GABRB1: variants seen among roughly 807,000 people sequenced by gnomAD.
The protein encoded by GABRB1 is gamma-aminobutyric acid receptor subunit beta-1.
A neutral mutation model predicts 51.6 loss-of-function variants in GABRB1; 17 were observed. The observed-to-expected ratio is 0.33, with a 90% confidence interval of 0.23 to 0.49. GABRB1 has a LOEUF of 0.49. Among genes scored for constraint, GABRB1 ranks in the 20% least tolerant of loss-of-function variants. The pLI is 0.99. For synonymous variants in GABRB1, 247 were observed against 218.9 expected (o/e 1.13, Z -1.14); for missense variants, 410 against 600.6 (o/e 0.68, Z 3.32).
intron 3 of GABRB1, among the ~76,000 whole-genome samples, chr4:47,056,184 G>A (rs565906949): frequency 1.3e-5 from 2 of 152,228 alleles, no homozygotes; most frequent in African/African-American, 2.4e-5. Context: ...AAGCCGAATA[G>A]GAATGTTACA....
chr4:47,355,768 T>A lies in GABRB1; in HGVS notation c.544+35559T>A, dbSNP rs554497786. Reference sequence around the variant, plus strand: ...GGCCCTGAGGGAACAATAATTCTGCTATACACTTAAATTGATCTAGTCATT... The same window carrying A: ...GGCCCTGAGGGAACAATAATTCTGCAATACACTTAAATTGATCTAGTCATT... On this transcript the variant is annotated intron_variant, in intron 5 of 8. Transcript: ENST00000295454. 3.2e-4 allele frequency among the ~76,000 whole-genome samples: 48 copies of A among 152,352 alleles called. 2 individuals carry two copies. The South Asian group carries it at 8.5e-3, about 27-fold the overall frequency.
intron 4 of GABRB1, among the ~76,000 whole-genome samples, chr4:47,182,823 C>G (rs1330711594): frequency 6.6e-6 from 1 of 151,912 alleles, no homozygotes; most frequent in Non-Finnish European, 1.5e-5. Flanking sequence ...AAAACTCTAA[C>G]AGTTCAGAGA....
chr4:47,413,202 C>A (rs13434696), intron 8 of GABRB1, among the ~76,000 whole-genome samples: 11 of 152,132 alleles, frequency 7.2e-5, no homozygotes, highest in African/African-American at 2.4e-4. Flanking sequence ...GAAATTCCGC[C>A]GAGGTCTCTG....
At chr4:47,008,629 A>ATTTT (rs71193894) in intron 1 of GABRB1, among the ~76,000 whole-genome samples, 1 of 117,488 alleles carries the variant, frequency 8.5e-6, no homozygotes, top group African/African-American at 3.3e-5. Flanking sequence ...CACCCAGCTA[A>ATTTT]TTTTTTTTTT....
chr4:47,050,015 A>G (rs1726274418), intron 3 of GABRB1, among the ~76,000 whole-genome samples: 1 of 152,226 alleles, frequency 6.6e-6, no homozygotes, highest in Non-Finnish European at 1.5e-5. Context: ...TCTCAGCTAA[A>G]GAATATGTTC....
At chr4:47,015,460 T>C (rs966686445) in intron 1 of GABRB1, among the ~76,000 whole-genome samples, 1 of 152,176 alleles carries the variant, frequency 6.6e-6, no homozygotes, top group African/African-American at 2.4e-5. Context: ...TAAATAACAA[T>C]GAATTAGTCC....
At chr4:47,287,223 A>G (rs1164061039) in intron 4 of GABRB1, among the ~76,000 whole-genome samples, 1 of 152,206 alleles carries the variant, frequency 6.6e-6, no homozygotes, top group Non-Finnish European at 1.5e-5. Context: ...TCATAAATGT[A>G]GCTTTCCCCG....
chr4:47,390,598 G>A (rs1352177707), intron 5 of GABRB1, among the ~76,000 whole-genome samples: 2 of 152,078 alleles, frequency 1.3e-5, no homozygotes, highest in Non-Finnish European at 2.9e-5. Flanking sequence ...AAATCCCCAG[G>A]GGCTGAAAGG....
chr4:47,283,480 G>T (rs1723377843), intron 4 of GABRB1, among the ~76,000 whole-genome samples: 1 of 135,280 alleles, frequency 7.4e-6, no homozygotes, highest in Non-Finnish European at 1.5e-5. Flanking sequence ...CCGCCTCCCA[G>T]GTTCACCCCA....
chr4:47,066,801 C>G (rs1311662613), intron 3 of GABRB1, among the ~76,000 whole-genome samples: 1 of 152,144 alleles, frequency 6.6e-6, no homozygotes, highest in Admixed American at 6.6e-5. Context: ...CTTCTAAACT[C>G]CTGTTACTGT....
At chr4:47,219,148 C>A (rs1449485159) in intron 4 of GABRB1, among the ~76,000 whole-genome samples, 1 of 151,612 alleles carries the variant, frequency 6.6e-6, no homozygotes, top group Admixed American at 6.6e-5. Flanking sequence ...CAAGTGAAAT[C>A]AAATATGGAA....
In GABRB1 at chr4:47,032,301, G is replaced by C. The variant is rs28750322; in HGVS notation, c.173-116G>C. 4.1e-6 allele frequency: 4 copies of C among 967,472 alleles called. No homozygotes were observed. The Admixed American group carries it at 6.8e-5, about 17-fold the overall frequency. The allele number at this position is 967,472 out of a possible 1,614,324, so 59.9% of individuals were successfully genotyped here. A position where few individuals can be genotyped will look rare whatever the true frequency, so the allele number is the denominator to read the frequency against. On this transcript the variant is annotated intron_variant, in intron 2 of 8. Coordinates refer to ENST00000295454, the MANE Select transcript of GABRB1 (RefSeq NM_000812.4). ...GGCAGTCCCCTGAAAGGGGTGGTGG[G>C]GGGAGCAGGGAGGGAGCCCGTTAAG...
chr4:47,067,933 T>G (rs1727157562), intron 3 of GABRB1, among the ~76,000 whole-genome samples: 1 of 152,124 alleles, frequency 6.6e-6, no homozygotes, highest in Admixed American at 6.5e-5. Context: ...TATGTGTCCA[T>G]GTATTCTCAT....
upstream of GABRB1, among the ~76,000 whole-genome samples, chr4:47,026,854 T>A (rs1712301266): frequency 1.3e-5 from 2 of 152,088 alleles, no homozygotes; most frequent in Non-Finnish European, 2.9e-5. Context: ...TGGCAACATT[T>A]TTCATAATTA....
intron 5 of GABRB1, among the ~76,000 whole-genome samples, chr4:47,394,449 G>A (rs1212791706): frequency 1.5e-5 from 2 of 129,320 alleles, no homozygotes; most frequent in Non-Finnish European, 3.2e-5. Context: ...GAAGAGGATA[G>A]TCATTCATTT....
chr4:47,226,916 A>G (rs1170019388), intron 4 of GABRB1, among the ~76,000 whole-genome samples: 1 of 152,244 alleles, frequency 6.6e-6, no homozygotes, highest in Admixed American at 6.5e-5. Flanking sequence ...GACAATGGAA[A>G]CAATAAAGTG....
intron 4 of GABRB1, among the ~76,000 whole-genome samples, chr4:47,240,256 A>T (rs2109847131): frequency 6.6e-6 from 1 of 152,324 alleles, no homozygotes; most frequent in African/African-American, 2.4e-5. Flanking sequence ...AGGGAATAAA[A>T]GGTACAACTT....
intron 3 of GABRB1, among the ~76,000 whole-genome samples, chr4:47,095,048 C>T (rs1158496974): frequency 2.0e-5 from 3 of 151,924 alleles, no homozygotes; most frequent in Admixed American, 2.0e-4. Context: ...TGAGACAGAA[C>T]AGTATTTGAA....
chr4:47,163,953 G>C (rs1364680262), intron 4 of GABRB1, among the ~76,000 whole-genome samples: 1 of 152,042 alleles, frequency 6.6e-6, no homozygotes, highest in Non-Finnish European at 1.5e-5. Context: ...AGTTCTGCAT[G>C]GCTGGGGAGG....
Sources: gnomAD v4.1 joint callset for allele counts (sites outside exome capture counted in the v4.1 genomes callset) on GRCh38, gnomAD v4.1.1 for gene constraint, MANE v1.5 for transcripts, NCBI Gene and HGNC (gene_info 2026-07-23, HGNC 2026-07-21) for gene names.